SLC24A2: variants seen among roughly 807,000 people sequenced by gnomAD.
SLC24A2 encodes the protein sodium/potassium/calcium exchanger 2.
In SLC24A2, 36 loss-of-function variants were observed where a neutral mutation model predicts 62.0. The observed-to-expected ratio is 0.58, with a 90% CI of 0.44 to 0.77. SLC24A2 has a LOEUF of 0.77. SLC24A2 is among the 30% of genes least tolerant of loss of function. SLC24A2 has a pLI of 0.00. For synonymous variants in SLC24A2, 358 were observed against 294.0 expected (o/e 1.22, Z -2.23); for missense variants, 846 against 817.9 (o/e 1.03, Z -0.42).
At chr9:20,062,027 G>C in the SLC24A2 span, among the ~76,000 whole-genome samples, 2 of 152,144 alleles carry the variant, frequency 1.3e-5, no homozygotes, top group African/African-American at 4.8e-5. Context: ...CTTGAGGCCA[G>C]GAGTTCAACA....
the SLC24A2 span, among the ~76,000 whole-genome samples, chr9:20,167,015 T>G: frequency 6.6e-6 from 1 of 151,988 alleles, no homozygotes; most frequent in South Asian, 2.1e-4. Flanking sequence ...TCTTTTTTTA[T>G]TTTTGTAGAG....
the SLC24A2 span, among the ~76,000 whole-genome samples, chr9:19,836,574 A>T: frequency 2.0e-5 from 3 of 152,236 alleles, no homozygotes; most frequent in South Asian, 6.2e-4. Context: ...TCTGAAATTG[A>T]GGCAATAATG....
the SLC24A2 span, among the ~76,000 whole-genome samples, chr9:20,110,953 CTTGGTAGTATG>C: frequency 6.6e-6 from 1 of 152,004 alleles, no homozygotes; most frequent in Non-Finnish European, 1.5e-5. Context: ...CACTTTTTTT[CTTGGTAGTATG>C]TTTAAAAAAT....
chr9:19,730,885 T>A (rs1312416505), intron 2 of SLC24A2, among the ~76,000 whole-genome samples: 1 of 152,110 alleles, frequency 6.6e-6, no homozygotes, highest in Non-Finnish European at 1.5e-5. Context: ...TTAGGTTTTT[T>A]TTTTTACCTT....
the SLC24A2 span, among the ~76,000 whole-genome samples, chr9:20,003,139 G>C: frequency 1.3e-5 from 2 of 152,340 alleles, no homozygotes; most frequent in South Asian, 4.1e-4. Flanking sequence ...ATCTATATGA[G>C]AGGATTCCCC....
intron 8 of SLC24A2, among the ~76,000 whole-genome samples, chr9:19,535,477 C>A (rs150111689): frequency 6.6e-6 from 1 of 151,982 alleles, no homozygotes; most frequent in Non-Finnish European, 1.5e-5. Context: ...AGGATTTTTA[C>A]GGTTTTAGGT....
intron 7 of SLC24A2, among the ~76,000 whole-genome samples, chr9:19,571,581 GA>G (rs1410254195): frequency 6.6e-6 from 1 of 152,118 alleles, no homozygotes; most frequent in East Asian, 1.9e-4. Context: ...CATCACTGGG[GA>G]GCTCATTAGA....
At chr9:19,674,190 A>T (rs1223529202) in intron 2 of SLC24A2, among the ~76,000 whole-genome samples, 2 of 152,192 alleles carry the variant, frequency 1.3e-5, no homozygotes, top group Admixed American at 6.6e-5. Context: ...GGCTGAAGAT[A>T]GGGCCCTGAT....
the SLC24A2 span, among the ~76,000 whole-genome samples, chr9:20,108,567 A>G: frequency 1.3e-5 from 2 of 152,154 alleles, no homozygotes; most frequent in South Asian, 2.1e-4. Context: ...ATGAAGTTGG[A>G]AATCATCATT....
At chr9:20,127,878 T>C in the SLC24A2 span, among the ~76,000 whole-genome samples, 1 of 152,266 alleles carries the variant, frequency 6.6e-6, no homozygotes. Context: ...GTCACTCTAT[T>C]AACACCCAAT....
chr9:19,979,614 A>T, the SLC24A2 span, among the ~76,000 whole-genome samples: 1 of 152,164 alleles, frequency 6.6e-6, no homozygotes, highest in South Asian at 2.1e-4. Flanking sequence ...ATTCTCTAGC[A>T]TCGATCTCTA....
chr9:20,015,998 T>C, the SLC24A2 span, among the ~76,000 whole-genome samples: 2 of 152,264 alleles, frequency 1.3e-5, no homozygotes, highest in Non-Finnish European at 2.9e-5. Context: ...TATTATTGCA[T>C]GAACATGTTC....
chr9:19,563,907 G>A lies in SLC24A2; in HGVS notation c.1347+9444C>T, dbSNP rs565900124. The stretch of plus-strand genomic sequence containing the variant: ...TCTCCTTTGTAGCCTAGGCTGGAGT[G>A]CACTAGGGTGATCATGGCTCATTGC... On this transcript the variant is annotated intron_variant, in intron 7 of 10. Transcript: ENST00000341998. Among the ~76,000 whole-genome samples, 4 of 144,164 alleles carry A rather than the reference G, an allele frequency of 2.8e-5. No individual in the cohort carries two copies. The Admixed American group carries it at 2.9e-4, about 10-fold the overall frequency. The allele number at this position is 144,164 out of a possible 152,430, so 94.6% of individuals were successfully genotyped here.
intron 2 of SLC24A2, among the ~76,000 whole-genome samples, chr9:19,739,901 G>A (rs998615458): frequency 8.5e-5 from 13 of 152,120 alleles, no homozygotes; most frequent in African/African-American, 3.1e-4. Context: ...GAAGATATCT[G>A]CAGTGTTTAT....
At chr9:20,206,661 T>C in the SLC24A2 span, among the ~76,000 whole-genome samples, 1 of 152,094 alleles carries the variant, frequency 6.6e-6, no homozygotes, top group Non-Finnish European at 1.5e-5. Context: ...TTTGTATTTT[T>C]AGTAGAGACG....
chr9:19,604,594 A>T (rs1295954871), intron 4 of SLC24A2, among the ~76,000 whole-genome samples: 1 of 152,188 alleles, frequency 6.6e-6, no homozygotes, highest in Non-Finnish European at 1.5e-5. Flanking sequence ...CAATAATATT[A>T]GAAAAATATC....
chr9:19,581,680 G>A (rs966852735), intron 5 of SLC24A2, among the ~76,000 whole-genome samples: 3 of 152,140 alleles, frequency 2.0e-5, no homozygotes, highest in African/African-American at 7.2e-5. Context: ...TAGAATTGAT[G>A]CCTAGCACCT....
At chr9:19,917,966 G>A in the SLC24A2 span, among the ~76,000 whole-genome samples, 1 of 152,170 alleles carries the variant, frequency 6.6e-6, no homozygotes, top group Non-Finnish European at 1.5e-5. Context: ...GCTATTAAGA[G>A]AATAACTATC....
the SLC24A2 span, among the ~76,000 whole-genome samples, chr9:20,114,368 C>G: frequency 6.6e-6 from 1 of 152,228 alleles, no homozygotes; most frequent in South Asian, 2.1e-4. Context: ...CAGGTAATCA[C>G]CTCAGTTGTG....
Sources: allele counts gnomAD v4.1 joint callset (sites outside exome capture counted in the v4.1 genomes callset), GRCh38; gene constraint gnomAD v4.1.1; transcripts MANE v1.5; gene names NCBI Gene and HGNC (gene_info 2026-07-23, HGNC 2026-07-21).